Variants in SNTB1 observed in about 807,000 individuals in gnomAD.
SNTB1 encodes the protein beta-1-syntrophin.
Under a neutral mutation model 48.9 loss-of-function variants are expected in SNTB1, and 36 were observed. That is an observed-to-expected ratio of 0.74 (90% CI 0.56 to 0.97). The LOEUF is 0.97. Ranked by LOEUF, SNTB1 falls within the 50% of genes least tolerant of loss-of-function variation. SNTB1 has a pLI of 0.00. For missense variants in SNTB1, 786 were observed against 703.4 expected, an observed-to-expected ratio of 1.12 and a Z score of -1.33; for synonymous variants, 299 against 294.6, an observed-to-expected ratio of 1.01 and a Z score of -0.15.
chr8:120,759,963 A>C (rs1434167200), intron 1 of SNTB1, among the ~76,000 whole-genome samples: 1 of 152,116 alleles, frequency 6.6e-6, no homozygotes, highest in African/African-American at 2.4e-5. Context: ...AAAAGCAGCC[A>C]TTTCTGTAAA....
chr8:120,699,414 A>T (rs1355067265), intron 1 of SNTB1, among the ~76,000 whole-genome samples: 2 of 152,160 alleles, frequency 1.3e-5, no homozygotes, highest in Non-Finnish European at 2.9e-5. Flanking sequence ...GTTCTCACCC[A>T]GTTGGTTCAC....
intron 1 of SNTB1, among the ~76,000 whole-genome samples, chr8:120,721,959 A>T (rs548321392): frequency 1.4e-5 from 2 of 143,226 alleles, no homozygotes; most frequent in Admixed American, 7.6e-5. Context: ...TCATTTTTCA[A>T]TTCCCACCTA....
intron 2 of SNTB1, among the ~76,000 whole-genome samples, chr8:120,671,319 C>A (rs534739053): frequency 6.6e-6 from 1 of 152,170 alleles, no homozygotes; most frequent in Non-Finnish European, 1.5e-5. Context: ...GAAAAAAGAT[C>A]TTTGCAATGT....
At chr8:120,768,809 G>C (rs1312166422) in intron 1 of SNTB1, 6 of 152,270 alleles carry the variant, frequency 3.9e-5, no homozygotes, top group African/African-American at 1.4e-4. Context: ...ATGGTATGGG[G>C]AAGAAGAAAA....
At chr8:120,804,917 C>A (rs1171025571) in intron 1 of SNTB1, among the ~76,000 whole-genome samples, 1 of 152,196 alleles carries the variant, frequency 6.6e-6, no homozygotes, top group Non-Finnish European at 1.5e-5. Flanking sequence ...CATGGGCTAC[C>A]ACAGCATCTC....
At chr8:120,687,213 G>T (rs1221202429) in intron 2 of SNTB1, among the ~76,000 whole-genome samples, 1 of 152,174 alleles carries the variant, frequency 6.6e-6, no homozygotes, top group Non-Finnish European at 1.5e-5. Flanking sequence ...AGCCACCAAA[G>T]ACCATCTGTC....
intron 1 of SNTB1, among the ~76,000 whole-genome samples, chr8:120,737,876 A>G (rs1011431583): frequency 1.3e-5 from 2 of 152,194 alleles, no homozygotes; most frequent in African/African-American, 4.8e-5. Flanking sequence ...TGATATGTCC[A>G]TAAATGCTAT....
chr8:120,804,823 A>G (rs748343814), intron 1 of SNTB1, among the ~76,000 whole-genome samples: 2 of 152,062 alleles, frequency 1.3e-5, no homozygotes, highest in Admixed American at 6.5e-5. Context: ...TGAGCTACAC[A>G]TGAGGCCCAG....
chr8:120,625,601 A>G (rs1816860564), intron 3 of SNTB1, among the ~76,000 whole-genome samples: 1 of 152,224 alleles, frequency 6.6e-6, no homozygotes, highest in Non-Finnish European at 1.5e-5. Context: ...TGGCACATTT[A>G]GTTTAAACAC....
intron 4 of SNTB1, among the ~76,000 whole-genome samples, chr8:120,568,553 A>AT (rs1471710015): frequency 3.3e-5 from 5 of 152,140 alleles, no homozygotes; most frequent in African/African-American, 1.2e-4. Flanking sequence ...TGTTTCACAG[A>AT]TAGGGATTCT....
In SNTB1 at chr8:120,746,462, A is replaced by G. The variant is rs557316267; in HGVS notation, c.572-52554T>C. 1.4e-4 allele frequency among the ~76,000 whole-genome samples: 21 copies of G among 152,328 alleles called. 1 individual carries two copies. Among genetic ancestry groups the G allele is most frequent in the African/African-American group, 5.1e-4 (21 of 41,580 alleles). On this transcript the variant is annotated intron_variant, in intron 1 of 6. Coordinates refer to ENST00000517992, the MANE Select transcript of SNTB1 (RefSeq NM_021021.4). ...GTCAAAAGTTATATGTGAATTTTCA[A>G]TAGCGCAGAGATTGCTGCCCCAAGC...
chr8:120,678,084 G>GA (rs1817867919), intron 2 of SNTB1, among the ~76,000 whole-genome samples: 1 of 151,998 alleles, frequency 6.6e-6, no homozygotes, highest in Admixed American at 6.6e-5. Flanking sequence ...ATTCTAGGGT[G>GA]AAAAAAACAC....
intron 2 of SNTB1, among the ~76,000 whole-genome samples, chr8:120,648,575 C>A (rs1817345520): frequency 6.6e-6 from 1 of 151,970 alleles, no homozygotes; most frequent in African/African-American, 2.4e-5. Flanking sequence ...GGTAACCCGA[C>A]CTTTCTCTCT....
intron 1 of SNTB1, among the ~76,000 whole-genome samples, chr8:120,707,946 A>G (rs1818406120): frequency 6.6e-6 from 1 of 152,168 alleles, no homozygotes; most frequent in South Asian, 2.1e-4. Flanking sequence ...ATCAGAATTG[A>G]TGTTATCAAA....
chr8:120,774,843 G>A (rs1819704365), intron 1 of SNTB1, among the ~76,000 whole-genome samples: 1 of 151,836 alleles, frequency 6.6e-6, no homozygotes, highest in African/African-American at 2.4e-5. Flanking sequence ...TGGTAGAGAT[G>A]GGGTTTCACC....
At chr8:120,754,935 A>G (rs925265245) in intron 1 of SNTB1, among the ~76,000 whole-genome samples, 57 of 152,312 alleles carry the variant, frequency 3.7e-4, no homozygotes, top group African/African-American at 1.3e-3. Context: ...GTCAGCAGGA[A>G]CATTTAAAAA....
rs762052318 is a variant in SNTB1 at position 120,632,493 on chromosome 8, C to T, written c.947G>A (p.Gly316Asp). 6.2e-7 allele frequency: 1 copy of T among 1,614,126 alleles called. No individual in the cohort carries two copies. Among genetic ancestry groups the T allele is most frequent in the East Asian group, 2.2e-5 (1 of 44,876 alleles). ...AEVREQLGKT[G>D]IAGSREIRHL... ...CCTAATCTCTCGGCTCCCAGCAATG[C>T]CTGTTTTCCCCAGCTGCTCTCTGAC... is the stretch of plus-strand genomic sequence containing the variant. The change falls in exon 3 of 7, where the codon GGC (glycine) becomes GAC (aspartate). Residue 316 changes from glycine to aspartate, a missense_variant. Gly to Asp is a moderately conservative substitution (Grantham distance 94). Transcript: ENST00000517992.
rs10092659 is a variant in SNTB1, at chr8:120,566,092, T to C, written c.1136+8994A>G. ...CTGTGTTAAATACAAAATTAGCCGG[T>C]GTCTCTATTAAATACAGAATAGAGA... On this transcript the variant is annotated intron_variant, in intron 4 of 6. Coordinates refer to ENST00000517992, the MANE Select transcript of SNTB1 (RefSeq NM_021021.4). Among the ~76,000 whole-genome samples the C allele has an allele frequency of 4.7e-3, 713 of 152,228 alleles. 5 individuals are homozygous for C. Among genetic ancestry groups the C allele is most frequent in the African/African-American group, 0.017 (686 of 41,514 alleles).
chr8:120,730,772 A>G (rs1818837301), intron 1 of SNTB1, among the ~76,000 whole-genome samples: 1 of 152,144 alleles, frequency 6.6e-6, no homozygotes. Flanking sequence ...AACCTTTTAA[A>G]TAGTGTATCT....
Sources: gnomAD v4.1 joint callset for allele counts (sites outside exome capture counted in the v4.1 genomes callset) on GRCh38, gnomAD v4.1.1 for gene constraint, MANE v1.5 for transcripts, NCBI Gene and HGNC (gene_info 2026-07-23, HGNC 2026-07-21) for gene names.